The following PPFIBP1 variants were observed in gnomAD, a reference collection of about 807,000 sequenced individuals.
PPFIBP1 encodes the protein PPFIB scaffold protein 1.
Under a neutral mutation model 137.8 loss-of-function variants are expected in PPFIBP1, and 112 were observed. That is an observed-to-expected ratio of 0.81 (90% CI 0.70 to 0.95). The LOEUF is 0.95. Ranked by LOEUF, PPFIBP1 falls within the 40% of genes least tolerant of loss-of-function variation. PPFIBP1 has a pLI of 0.00. For synonymous variants in PPFIBP1, 378 were observed against 417.3 expected, an observed-to-expected ratio of 0.91 and a Z score of 1.15; for missense variants, 1,083 against 1,196.6, an observed-to-expected ratio of 0.91 and a Z score of 1.40.
At chr12:27,635,503 A>G (rs2057594124) in intron 4 of PPFIBP1, 2 of 273,932 alleles carry the variant, frequency 7.3e-6, no homozygotes, top group Non-Finnish European at 1.4e-5. Context: ...GGAAAGCATG[A>G]TGAAAGACTT....
chr12:27,628,797 A>G (rs189100371), intron 2 of PPFIBP1, among the ~76,000 whole-genome samples: 1 of 152,300 alleles, frequency 6.6e-6, no homozygotes, highest in East Asian at 1.9e-4. Context: ...CCAAAGTTTT[A>G]TTTGGAAAGT....
At position 27,619,960 on chromosome 12, in the gene PPFIBP1, T is replaced by A. The variant is rs534761866; in HGVS notation, c.-35-13402T>A. Among the ~76,000 whole-genome samples the A allele has an allele frequency of 3.1e-3, 465 of 151,846 alleles. 3 individuals are homozygous for A. The highest frequency in any genetic ancestry group is 0.011 in the African/African-American group (442 of 41,446). On this transcript the variant is annotated intron_variant, in intron 2 of 29. Coordinates refer to ENST00000228425, the MANE Select transcript of PPFIBP1 (RefSeq NM_003622.4). Reference sequence around the variant, plus strand: ...ATGTGTATTCACACATACATACATTTTATATATATATTTACATATATATAC... The same window carrying A: ...ATGTGTATTCACACATACATACATTATATATATATATTTACATATATATAC...
intron 19 of PPFIBP1, 30 bp downstream of exon 19, chr12:27,677,126 C>T: frequency 6.2e-7 from 1 of 1,613,196 alleles, no homozygotes; most frequent in South Asian, 1.1e-5. Context: ...CAGCCTTCAC[C>T]AGCACTGTGC....
intron 13 of PPFIBP1, among the ~76,000 whole-genome samples, chr12:27,667,646 G>A (rs1042491604): frequency 7.9e-5 from 12 of 152,224 alleles, no homozygotes; most frequent in Non-Finnish European, 1.8e-4. Flanking sequence ...TGGCTTCAAT[G>A]ACAGCATTTC....
At position 27,633,320 on chromosome 12, in the gene PPFIBP1, A is replaced by G. The variant is rs752587155; in HGVS notation, c.-35-42A>G. On this transcript the variant is annotated intron_variant, in intron 2 of 29. Transcript: ENST00000228425. ...GAATTAGAAACCCACTAGCAAGCCTATGTCATTTAATGGATGTAATGATAA... is the reference window on the plus strand; with the variant it reads ...GAATTAGAAACCCACTAGCAAGCCTGTGTCATTTAATGGATGTAATGATAA... 31 of 1,341,210 alleles carry G rather than the reference A, an allele frequency of 2.3e-5. No individual in the cohort carries two copies. In the Admixed American group the frequency reaches 3.9e-4, roughly 17 times the overall value. 83.1% of individuals were successfully genotyped at this position (1,341,210 alleles called of 1,614,324 possible).
chr12:27,660,212 T>C (rs1171079339), intron 10 of PPFIBP1, among the ~76,000 whole-genome samples: 1 of 152,168 alleles, frequency 6.6e-6, no homozygotes, highest in Non-Finnish European at 1.5e-5. Flanking sequence ...TTTTCATCTT[T>C]AAAATATATA....
intron 1 of PPFIBP1, among the ~76,000 whole-genome samples, chr12:27,567,847 T>C (rs934928099): frequency 2.6e-5 from 4 of 152,182 alleles, no homozygotes; most frequent in Non-Finnish European, 5.9e-5. Context: ...GTCGGGACAC[T>C]GATTGAAACC....
At chr12:27,646,384 G>C (rs150677331) in intron 5 of PPFIBP1, 1 of 546,430 alleles carries the variant, frequency 1.8e-6, no homozygotes, top group Non-Finnish European at 3.5e-6. Flanking sequence ...GTCTGAATAC[G>C]GGCACAATGT....
chr12:27,643,368 G>A (rs1417213324), intron 4 of PPFIBP1, among the ~76,000 whole-genome samples: 2 of 128,780 alleles, frequency 1.6e-5, no homozygotes, highest in East Asian at 2.3e-4. Flanking sequence ...AGAATGCAGA[G>A]TCTATTAGAA....
intron 1 of PPFIBP1, chr12:27,549,593 A>C (rs1946565812): frequency 6.6e-6 from 1 of 152,036 alleles, no homozygotes; most frequent in Admixed American, 6.6e-5. Context: ...GAATGAAGGA[A>C]GTCTATCAAG....
chr12:27,624,900 A>G (rs1190760496), intron 2 of PPFIBP1, among the ~76,000 whole-genome samples: 2 of 152,176 alleles, frequency 1.3e-5, no homozygotes, highest in African/African-American at 4.8e-5. Flanking sequence ...AAGGTGTTGA[A>G]AATTTTGTGG....
intron 1 of PPFIBP1, among the ~76,000 whole-genome samples, chr12:27,546,205 G>C (rs1230353689): frequency 1.3e-5 from 2 of 152,150 alleles, no homozygotes; most frequent in Non-Finnish European, 2.9e-5. Context: ...ATTGTTGTGG[G>C]AAAGAAGCCT....
chr12:27,691,832 A>C lies in PPFIBP1; in HGVS notation c.2769A>C (p.Glu923Asp). The stretch of plus-strand genomic sequence containing the variant: ...GTGAAGAATATGTTTGTCCAATGGA[A>C]TTGGGACAGGCATCAGGAAGTGCAT... Reference protein sequence around the residue: ...EDGEEYVCPMELGQASGSASK... With the variant: ...EDGEEYVCPMDLGQASGSASK... The change falls in exon 28 of 30, where the codon GAA becomes GAC. Residue 923 changes from glutamate (E) to aspartate (D), a missense_variant. Coordinates refer to ENST00000228425, the MANE Select transcript of PPFIBP1 (RefSeq NM_003622.4). The C allele has an allele frequency of 1.2e-6, 2 of 1,613,768 alleles. No homozygotes were observed. Among genetic ancestry groups the C allele is most frequent in the Non-Finnish European group, 1.7e-6 (2 of 1,179,668 alleles).
At chr12:27,619,906 GT>G (rs2056162481) in intron 2 of PPFIBP1, among the ~76,000 whole-genome samples, 1 of 151,066 alleles carries the variant, frequency 6.6e-6, no homozygotes, top group Non-Finnish European at 1.5e-5. Context: ...AGCAATATGC[GT>G]TTATATATAT....
intron 2 of PPFIBP1, among the ~76,000 whole-genome samples, chr12:27,617,190 T>A (rs1338337389): frequency 2.0e-5 from 3 of 152,202 alleles, no homozygotes; most frequent in African/African-American, 4.8e-5. Flanking sequence ...TTGAAAAGTA[T>A]GTTGTTCCGC....
At chr12:27,537,348 G>A (rs764842753) in intron 1 of PPFIBP1, among the ~76,000 whole-genome samples, 6 of 152,156 alleles carry the variant, frequency 3.9e-5, no homozygotes, top group African/African-American at 1.4e-4. Flanking sequence ...GGCCAGGCTG[G>A]TCTCAAACTC....
intron 1 of PPFIBP1, among the ~76,000 whole-genome samples, chr12:27,544,145 G>A (rs1945972926): frequency 6.6e-6 from 1 of 152,044 alleles, no homozygotes; most frequent in African/African-American, 2.4e-5. Flanking sequence ...GCCTCCCAAA[G>A]TGCTGAAATT....
rs566705819 is a variant in PPFIBP1, at chr12:27,563,227, G to A, written c.-123-14925G>A. Among the ~76,000 whole-genome samples the A allele has an allele frequency of 2.4e-4, 31 of 130,022 alleles. 1 individual carries two copies. In the Admixed American group the frequency reaches 2.5e-3, roughly 10 times the overall value. 85.3% of individuals were successfully genotyped at this position (130,022 alleles called of 152,430 possible). A position where few individuals can be genotyped will look rare whatever the true frequency, so the allele number is the denominator to read the frequency against. Reference sequence around the variant, plus strand: ...GAGGCTGAGGTAGGCGGATCACGAGGTCAAGAGATCAAGACCATCCTGGCT... The same window carrying A: ...GAGGCTGAGGTAGGCGGATCACGAGATCAAGAGATCAAGACCATCCTGGCT... On this transcript the variant is annotated intron_variant, in intron 1 of 29. Coordinates refer to ENST00000228425, the MANE Select transcript of PPFIBP1 (RefSeq NM_003622.4).
chr12:27,626,347 C>T (rs1308196257), intron 2 of PPFIBP1, among the ~76,000 whole-genome samples: 4 of 152,084 alleles, frequency 2.6e-5, no homozygotes, highest in East Asian at 1.9e-4. Flanking sequence ...GAAGCTGAGG[C>T]GTGGGGAGAG....
Sources: gnomAD v4.1 joint callset for allele counts (sites outside exome capture counted in the v4.1 genomes callset) on GRCh38, gnomAD v4.1.1 for gene constraint, MANE v1.5 for transcripts, NCBI Gene and HGNC (gene_info 2026-07-23, HGNC 2026-07-21) for gene names.